The following JAK2 variants were observed in gnomAD, a reference collection of about 807,000 sequenced individuals.
JAK2 encodes Janus kinase 2.
JAK2 carries 86 observed loss-of-function variants against 139.3 expected under a neutral mutation model. The ratio of observed to expected loss-of-function variants is 0.62; its 90% CI spans 0.52 to 0.74. JAK2 has a LOEUF of 0.74. JAK2 is among the 30% of genes least tolerant of loss of function. JAK2 has a pLI of 0.00. For synonymous variants in JAK2, 490 were observed against 437.7 expected (o/e 1.12, Z -1.49); for missense variants, 1,421 against 1,360.3 (o/e 1.04, Z -0.70).
chr9:5,073,743 C>G lies in JAK2; in HGVS notation c.1822C>G (p.His608Asp), dbSNP rs1819128475. The stretch of plus-strand genomic sequence containing the variant: ...TATGATGAGCAAGCTTTCTCACAAG[C>G]ATTTGGTTTTAAATTATGGAGTATG... ...ASMMSKLSHK[H>D]LVLNYGVCVC... Residue 608 changes from histidine (H) to aspartate (D), a missense_variant, in exon 14 of 25, where the codon CAT (histidine) becomes GAT (aspartate). By Grantham distance (81) the His-to-Asp change is moderately conservative. Coordinates refer to ENST00000381652, the MANE Select transcript of JAK2 (RefSeq NM_004972.4). 1.9e-6 allele frequency: 3 copies of G among 1,612,390 alleles called. No homozygotes were observed. Among genetic ancestry groups the G allele is most frequent in the Non-Finnish European group, 2.5e-6 (3 of 1,179,038 alleles).
intron 22 of JAK2, among the ~76,000 whole-genome samples, chr9:5,102,441 G>A (rs1821579381): frequency 6.6e-6 from 1 of 152,302 alleles, no homozygotes; most frequent in East Asian, 1.9e-4. Context: ...GTGACGGGGA[G>A]AATGGAACCA....
chr9:5,040,885 G>A (rs1345954944), intron 4 of JAK2: 4 of 283,980 alleles, frequency 1.4e-5, no homozygotes, highest in Non-Finnish European at 2.7e-5. Context: ...TCCGCGCCGC[G>A]CTGCTGAAGC....
chr9:5,042,169 C>G (rs529960997), intron 4 of JAK2, among the ~76,000 whole-genome samples: 5 of 127,972 alleles, frequency 3.9e-5, no homozygotes, highest in African/African-American at 1.5e-4. Flanking sequence ...CTCGCTTTGT[C>G]GCCCAGGCCG....
intron 2 of JAK2, among the ~76,000 whole-genome samples, chr9:4,993,166 C>G (rs1820360077): frequency 6.6e-6 from 1 of 152,184 alleles, no homozygotes; most frequent in South Asian, 2.1e-4. Context: ...ACCCACAAAT[C>G]TCTTTTGAGA....
At chr9:5,081,990 G>C in intron 19 of JAK2, 129 bp downstream of exon 19, 1 of 745,714 alleles carries the variant, frequency 1.3e-6, no homozygotes, top group Non-Finnish European at 2.2e-6. Context: ...TTGGTTGTCA[G>C]ATGTTGGAGA....
intron 22 of JAK2, among the ~76,000 whole-genome samples, chr9:5,092,780 A>G (rs1371210697): frequency 1.3e-5 from 2 of 152,224 alleles, no homozygotes; most frequent in South Asian, 4.1e-4. Context: ...AGTAGTGGTG[A>G]TAAGCCTATC....
At chr9:5,037,664 A>C (rs1166501676) in intron 4 of JAK2, among the ~76,000 whole-genome samples, 1 of 152,192 alleles carries the variant, frequency 6.6e-6, no homozygotes, top group Non-Finnish European at 1.5e-5. Context: ...CAATGAGAAC[A>C]CATGGACACA....
chr9:5,080,599 A>T lies in JAK2; in HGVS notation c.2350A>T (p.Ile784Leu). ...APKWAELANL[I>L]NNCMDYEPDF... Reference sequence around the variant, plus strand: ...AAAGTGGGCAGAATTAGCAAACCTTATAAATAATTGTATGGATTATGAACC... The same window carrying T: ...AAAGTGGGCAGAATTAGCAAACCTTTTAAATAATTGTATGGATTATGAACC... Residue 784 changes from isoleucine to leucine, a missense_variant, in exon 18 of 25, where the codon ATA becomes TTA. By Grantham distance (5) the Ile-to-Leu change is conservative. Transcript: ENST00000381652. 1 of 1,608,630 alleles carries T rather than the reference A, an allele frequency of 6.2e-7. No individual in the cohort carries two copies. Among genetic ancestry groups the T allele is most frequent in the South Asian group, 1.1e-5 (1 of 89,206 alleles).
At chr9:5,082,814 C>G (rs540416517) in intron 19 of JAK2, among the ~76,000 whole-genome samples, 1 of 152,342 alleles carries the variant, frequency 6.6e-6, no homozygotes, top group Non-Finnish European at 1.5e-5. Context: ...CCTACACAGC[C>G]CTAGCCTTAA....
intron 4 of JAK2, chr9:5,041,244 A>G (rs2130284658): frequency 1.4e-6 from 2 of 1,460,898 alleles, no homozygotes; most frequent in East Asian, 4.5e-5. Flanking sequence ...AAGCGGCAGC[A>G]CGCCATCCAC....
chr9:5,049,295 A>C (rs1345778731), intron 5 of JAK2, among the ~76,000 whole-genome samples: 1 of 152,234 alleles, frequency 6.6e-6, no homozygotes, highest in Admixed American at 6.5e-5. Flanking sequence ...AGGTCATTCA[A>C]GGGTACCTGC....
intron 2 of JAK2, among the ~76,000 whole-genome samples, chr9:5,013,519 C>CTA (rs1821839759): frequency 2.0e-5 from 3 of 152,210 alleles, no homozygotes; most frequent in Non-Finnish European, 4.4e-5. Flanking sequence ...AGTTGAGAAG[C>CTA]ACTGACCTAT....
At position 5,086,878 on chromosome 9, in the gene JAK2, A is replaced by G. The variant is rs549246144; in HGVS notation, c.2572-2796A>G. On this transcript the variant is annotated intron_variant, in intron 19 of 24. Transcript: ENST00000381652. Reference sequence around the variant, plus strand: ...AGAGCAGTTTGTATCAAGCGCGTTTAAATGTTCATATCTTTTAAACTACTT... The same window carrying G: ...AGAGCAGTTTGTATCAAGCGCGTTTGAATGTTCATATCTTTTAAACTACTT... Among the ~76,000 whole-genome samples the G allele has an allele frequency of 1.8e-4, 27 of 152,300 alleles. No individual in the cohort carries two copies. In the South Asian group the frequency reaches 1.9e-3, roughly 11 times the overall value.
At chr9:5,059,580 A>G (rs1818014407) in intron 8 of JAK2, among the ~76,000 whole-genome samples, 1 of 152,078 alleles carries the variant, frequency 6.6e-6, no homozygotes, top group Admixed American at 6.6e-5. Flanking sequence ...TATATATCCT[A>G]GAGATAGGAT....
chr9:5,085,316 C>T (rs1211638965), intron 19 of JAK2: 2 of 758,588 alleles, frequency 2.6e-6, no homozygotes, highest in Non-Finnish European at 4.8e-6. Context: ...TCGAATACAT[C>T]ATCTATTAGC....
chr9:5,058,002 G>A (rs1222393697), intron 8 of JAK2, among the ~76,000 whole-genome samples: 1 of 152,068 alleles, frequency 6.6e-6, no homozygotes, highest in East Asian at 1.9e-4. Flanking sequence ...AGGTTCATTT[G>A]TATTACAGCA....
At chr9:5,049,838 A>G (rs1203646094) in intron 5 of JAK2, among the ~76,000 whole-genome samples, 1 of 152,244 alleles carries the variant, frequency 6.6e-6, no homozygotes, top group Non-Finnish European at 1.5e-5. Flanking sequence ...GCTCTAGGCT[A>G]CAAACTTATA....
At chr9:5,116,573 G>A (rs1184549734) in intron 22 of JAK2, among the ~76,000 whole-genome samples, 1 of 152,056 alleles carries the variant, frequency 6.6e-6, no homozygotes, top group East Asian at 1.9e-4. Context: ...AAAATTAGCT[G>A]GCAATCAAAA....
In JAK2 at chr9:5,045,843, T is replaced by C. The variant is rs10120566; in HGVS notation, c.468+1323T>C. On this transcript the variant is annotated intron_variant, in intron 5 of 24. Transcript: ENST00000381652. ...TTGATGGATACTTGGGTTGCTGCTG[T>C]GAACATGGGTAAACAAATATTTCCT... Among the ~76,000 whole-genome samples, 279 of 152,318 alleles carry C rather than the reference T, an allele frequency of 1.8e-3. 1 individual carries two copies. Among genetic ancestry groups the C allele is most frequent in the African/African-American group, 6.4e-3 (265 of 41,586 alleles).
Sources: allele counts gnomAD v4.1 joint callset (sites outside exome capture counted in the v4.1 genomes callset), GRCh38; gene constraint gnomAD v4.1.1; transcripts MANE v1.5; gene names NCBI Gene and HGNC (gene_info 2026-07-23, HGNC 2026-07-21).